SNF8: variants seen among roughly 807,000 people sequenced by gnomAD.
The protein encoded by SNF8 is vacuolar-sorting protein SNF8.
In SNF8, 19 loss-of-function variants were observed where a neutral mutation model predicts 36.8. The ratio of observed to expected loss-of-function variants is 0.52; its 90% CI spans 0.36 to 0.76. The LOEUF is 0.76. Among genes scored for constraint, SNF8 ranks in the 30% least tolerant of loss-of-function variants. The pLI, the probability that SNF8 is intolerant of heterozygous loss-of-function variation, is 0.00. For synonymous variants in SNF8, 127 were observed against 127.4 expected, an observed-to-expected ratio of 1.00 and a Z score of 0.02; for missense variants, 268 against 322.9, an observed-to-expected ratio of 0.83 and a Z score of 1.30.
intron 3 of SNF8, among the ~76,000 whole-genome samples, chr17:48,938,453 G>A (rs553641581): frequency 1.4e-5 from 2 of 140,998 alleles, no homozygotes; most frequent in East Asian, 4.1e-4. Flanking sequence ...CCAAGATCAC[G>A]CCATTGCACT....
rs748824257 is a variant in SNF8, at chr17:48,929,681, C to A, written c.*794G>T. The A allele has an allele frequency of 1.8e-4, 27 of 152,180 alleles. No homozygotes were observed. The highest frequency in any genetic ancestry group is 3.7e-4 in the Non-Finnish European group (25 of 68,042). 9.4% of individuals were successfully genotyped at this position (152,180 alleles called of 1,614,324 possible). On this transcript the variant is annotated 3_prime_UTR_variant, in exon 8 of 8. Transcript: ENST00000502492. ...GGGCTCGGGTTAATAGGCCTAGGCA[C>A]CAGCTTTAGCTCGGCTGAAGCTGGC...
At chr17:48,944,614 T>C (rs2041077221) in intron 1 of SNF8, 67 bp downstream of exon 1, 3 of 1,539,328 alleles carry the variant, frequency 1.9e-6, no homozygotes, top group Non-Finnish European at 1.8e-6. Flanking sequence ...GGTAGGACAC[T>C]GCTCCGGGAC....
Position 48,933,285 on chromosome 17 carries a change from G to T in SNF8, c.484C>A (p.Pro162Thr), listed in dbSNP as rs1156911383. Residue 162 changes from proline to threonine, a missense_variant, in exon 6 of 8, where the codon CCT (proline) becomes ACT (threonine). By Grantham distance (38) the Pro-to-Thr change is conservative. Coordinates refer to ENST00000502492, the MANE Select transcript of SNF8 (RefSeq NM_007241.4). ...KALGTGFGIIPVGGTYLIQSV... is the reference protein window; with the variant it reads ...KALGTGFGIITVGGTYLIQSV... ...TGAATGAGGTAAGTGCCGCCCACAG[G>T]GATGATGCCGAAGCCAGTGCCAAGT... 3 of 1,614,140 alleles carry T rather than the reference G, an allele frequency of 1.9e-6. No individual in the cohort carries two copies. The highest frequency in any genetic ancestry group is 2.5e-6 in the Non-Finnish European group (3 of 1,180,004).
At chr17:48,939,333 G>T (rs569496169) in intron 3 of SNF8, among the ~76,000 whole-genome samples, 1 of 151,704 alleles carries the variant, frequency 6.6e-6, no homozygotes, top group African/African-American at 2.4e-5. Flanking sequence ...AGCTCCACTT[G>T]GGAGGTTGAG....
In SNF8 at chr17:48,930,521, T is replaced by C. The variant is rs1269184258; in HGVS notation, c.731A>G (p.Tyr244Cys). The change falls in exon 8 of 8, where the codon TAC (tyrosine) becomes TGC (cysteine). Residue 244 changes from tyrosine (Y) to cysteine (C), a missense_variant. Physicochemically the swap from Tyr to Cys is radical, Grantham distance 194. Transcript: ENST00000502492. ...CTCCTCAGCTGTAATCTCCTGGGAGTAGAGGTCAGTGAAGAGAGCTGGCAG... is the reference window on the plus strand; with the variant it reads ...CTCCTCAGCTGTAATCTCCTGGGAGCAGAGGTCAGTGAAGAGAGCTGGCAG... ...YWLPALFTDL[Y>C]SQEITAEEAR... 6.2e-7 allele frequency: 1 copy of C among 1,611,708 alleles called. No individual in the cohort carries two copies.
intron 3 of SNF8, among the ~76,000 whole-genome samples, chr17:48,940,423 G>A (rs2041001903): frequency 6.6e-6 from 1 of 152,056 alleles, no homozygotes; most frequent in African/African-American, 2.4e-5. Context: ...CACAGACACT[G>A]GCTACTCAGC....
intron 3 of SNF8, among the ~76,000 whole-genome samples, chr17:48,938,005 C>T (rs2040961496): frequency 6.6e-6 from 1 of 151,870 alleles, no homozygotes; most frequent in Non-Finnish European, 1.5e-5. Flanking sequence ...CTAATTCTGG[C>T]TCAGGATACT....
chr17:48,939,007 C>T (rs953871821), intron 3 of SNF8, among the ~76,000 whole-genome samples: 3 of 152,000 alleles, frequency 2.0e-5, no homozygotes, highest in Admixed American at 6.6e-5. Context: ...ACCTGTAATC[C>T]CAGTACTTTG....
chr17:48,933,372 G>C (rs531995964), intron 5 of SNF8, 26 bp from the exon 6 acceptor site: 4 of 1,613,668 alleles, frequency 2.5e-6, no homozygotes, highest in Non-Finnish European at 3.4e-6. Context: ...GTTGCTTAAC[G>C]ACCCTTGGCA....
intron 5 of SNF8, among the ~76,000 whole-genome samples, chr17:48,935,512 CAAAA>C (rs34255720): frequency 6.7e-5 from 6 of 88,940 alleles, no homozygotes; most frequent in Non-Finnish European, 9.6e-5. Context: ...GACTCTGTCT[CAAAA>C]AAAAAAAAAA....
At chr17:48,941,661 T>G (rs1598093109) in intron 2 of SNF8, among the ~76,000 whole-genome samples, 1 of 151,836 alleles carries the variant, frequency 6.6e-6, no homozygotes, top group Non-Finnish European at 1.5e-5. Context: ...TGGGGCAACA[T>G]AGCAAGACTG....
intron 3 of SNF8, among the ~76,000 whole-genome samples, chr17:48,938,873 C>CA (rs1162729148): frequency 0.033 from 3,348 of 102,636 alleles, 37 homozygotes; most frequent in Non-Finnish European, 0.045. Flanking sequence ...GACTCCGTCT[C>CA]AAAAAAAAAA....
rs1243867932 is a variant in SNF8, at chr17:48,937,137, A to G, written c.245-13T>C. ...AATCCTTTTCCAGCTACAAGACAGA[A>G]AAACAAAATCTCGGTTATTGATTAA... is the stretch of plus-strand genomic sequence containing the variant. On this transcript the variant is annotated splice_polypyrimidine_tract_variant and intron_variant, in intron 3 of 7. Coordinates refer to ENST00000502492, the MANE Select transcript of SNF8 (RefSeq NM_007241.4). 1 of 1,584,524 alleles carries G rather than the reference A, an allele frequency of 6.3e-7. No individual in the cohort carries two copies. The highest frequency in any genetic ancestry group is 1.3e-5 in the African/African-American group (1 of 74,426).
At position 48,938,901 on chromosome 17, in the gene SNF8, T is replaced by C. The variant is rs552700992; in HGVS notation, c.245-1777A>G. ...AAAAAAAAAAAAGCAGTAAATTATA[T>C]AGTGCAATGCCTGGCACACAAATAA... On this transcript the variant is annotated intron_variant, in intron 3 of 7. Transcript: ENST00000502492. 3.8e-3 allele frequency among the ~76,000 whole-genome samples: 576 copies of C among 151,558 alleles called. 1 individual carries two copies. The highest frequency in any genetic ancestry group is 5.3e-3 in the Non-Finnish European group (363 of 67,912).
rs1179872964 is a variant in SNF8, at chr17:48,929,527, CTACT to C, written c.*944_*947del. The C allele has an allele frequency of 6.6e-6, 1 of 152,174 alleles. No individual in the cohort carries two copies. Among genetic ancestry groups the C allele is most frequent in the East Asian group, 1.9e-4 (1 of 5,190 alleles). 9.4% of individuals were successfully genotyped at this position (152,174 alleles called of 1,614,324 possible). On this transcript the variant is annotated 3_prime_UTR_variant, in exon 8 of 8. Transcript: ENST00000502492. ...CTGGCCTCTTCCCTCATCACCACTT[CTACT>C]TGCTATAGGAGATTCTTGCTTTCTG... is the stretch of plus-strand genomic sequence containing the variant.
At position 48,930,464 on chromosome 17, in the gene SNF8, T is replaced by C; in HGVS notation, c.*11A>G. 1 of 1,586,864 alleles carries C rather than the reference T, an allele frequency of 6.3e-7. No individual in the cohort carries two copies. Among genetic ancestry groups the C allele is most frequent in the Non-Finnish European group, 8.6e-7 (1 of 1,163,968 alleles). Reference sequence around the variant, plus strand: ...CTCCCTGCCTGCTGCTGTGTGCCCTTCCACATGCAGTCAGGGGAGGGCTTC... The same window carrying C: ...CTCCCTGCCTGCTGCTGTGTGCCCTCCCACATGCAGTCAGGGGAGGGCTTC... On this transcript the variant is annotated 3_prime_UTR_variant, in exon 8 of 8. Coordinates refer to ENST00000502492, the MANE Select transcript of SNF8 (RefSeq NM_007241.4).
intron 4 of SNF8, 47 bp from the exon 5 acceptor site, chr17:48,936,289 TTAAA>T: frequency 5.5e-6 from 8 of 1,445,354 alleles, no homozygotes; most frequent in Non-Finnish European, 7.8e-6. Flanking sequence ...ATTACCCACT[TTAAA>T]TAAGTTGACA....
At chr17:48,936,528 G>T (rs191460621) in intron 4 of SNF8, 3 of 331,940 alleles carry the variant, frequency 9.0e-6, no homozygotes, top group African/African-American at 6.4e-5. Context: ...ATTTATAGTT[G>T]ATGATGATTT....
chr17:48,936,230 A>T lies in SNF8; in HGVS notation c.362T>A (p.Leu121Ter), dbSNP rs1260628499. ...CAACACCTGTTGATGTAGTTCCTCC[A>T]AAGTTATCAGACCTGTTTGGAGACA... ...LKHRNGGLIT[L>*]EELHQQVLKG... Residue 121 changes from leucine to a stop codon, truncating the protein, a stop_gained, in exon 5 of 8, where the codon TTG becomes TAG. Coordinates refer to ENST00000502492, the MANE Select transcript of SNF8 (RefSeq NM_007241.4). LOFTEE classifies it high-confidence loss of function. The T allele has an allele frequency of 1.5e-5, 25 of 1,613,950 alleles. No individual in the cohort carries two copies. Among genetic ancestry groups the T allele is most frequent in the Non-Finnish European group, 2.1e-5 (25 of 1,179,816 alleles).
Sources: gnomAD v4.1 joint callset for allele counts (sites outside exome capture counted in the v4.1 genomes callset) on GRCh38, gnomAD v4.1.1 for gene constraint, MANE v1.5 for transcripts, NCBI Gene and HGNC (gene_info 2026-07-23, HGNC 2026-07-21) for gene names.